Variants in UNC5B observed in about 807,000 individuals in gnomAD.
UNC5B encodes unc-5 netrin receptor B, also known as netrin receptor UNC5B.
In UNC5B, 56 loss-of-function variants were observed where a neutral mutation model predicts 103.7. That is an observed-to-expected ratio of 0.54 (90% CI 0.44 to 0.67). UNC5B has a LOEUF of 0.67. Ranked by LOEUF, UNC5B falls within the 30% of genes least tolerant of loss-of-function variation. UNC5B has a pLI of 0.00. For missense variants in UNC5B, 1,194 were observed against 1,284.5 expected, an observed-to-expected ratio of 0.93 and a Z score of 1.08; for synonymous variants, 577 against 542.0, an observed-to-expected ratio of 1.06 and a Z score of -0.90.
chr10:71,229,067 G>A (rs542720237), intron 1 of UNC5B, among the ~76,000 whole-genome samples: 8 of 152,270 alleles, frequency 5.3e-5, no homozygotes, highest in Non-Finnish European at 8.8e-5. Context: ...GTGACTGGGC[G>A]GTGAGGGAAT....
At chr10:71,255,748 A>G (rs1173903444) in intron 1 of UNC5B, among the ~76,000 whole-genome samples, 1 of 152,226 alleles carries the variant, frequency 6.6e-6, no homozygotes, top group Non-Finnish European at 1.5e-5. Context: ...CCCGGACTGA[A>G]TTCTCACCCT....
At chr10:71,286,123 C>A (rs552500582) in intron 4 of UNC5B, among the ~76,000 whole-genome samples, 1 of 152,242 alleles carries the variant, frequency 6.6e-6, no homozygotes, top group Non-Finnish European at 1.5e-5. Flanking sequence ...TGCAACAACC[C>A]TGCAAAGTGG....
chr10:71,298,991 C>G, intron 16 of UNC5B, 121 bp from the exon 17 acceptor site: 1 of 1,329,114 alleles, frequency 7.5e-7, no homozygotes, highest in Non-Finnish European at 1.1e-6. Flanking sequence ...GCAATTCAGA[C>G]CCAGGACAGT....
intron 1 of UNC5B, among the ~76,000 whole-genome samples, chr10:71,225,292 A>G (rs955720895): frequency 2.6e-5 from 4 of 152,238 alleles, no homozygotes; most frequent in Non-Finnish European, 5.9e-5. Flanking sequence ...CTGAGGCAGC[A>G]GGAGGCCTGC....
rs114648789 is a variant in UNC5B, at chr10:71,226,833, G to T, written c.79+13769G>T. Among the ~76,000 whole-genome samples the T allele has an allele frequency of 4.0e-3, 607 of 152,244 alleles. 3 individuals carry two copies. Among genetic ancestry groups the T allele is most frequent in the African/African-American group, 0.014 (570 of 41,532 alleles). ...CTTCATAGATGCTGAACAAAGCTTG[G>T]ATAAAATACTACACTAAAAGAAATA... On this transcript the variant is annotated intron_variant, in intron 1 of 16. Transcript: ENST00000335350.
intron 1 of UNC5B, among the ~76,000 whole-genome samples, chr10:71,242,871 G>T (rs1589160569): frequency 1.3e-5 from 2 of 152,180 alleles, no homozygotes; most frequent in African/African-American, 4.8e-5. Flanking sequence ...GCAGGGCACT[G>T]GGTGTGTCCC....
chr10:71,240,074 A>AC, intron 1 of UNC5B, among the ~76,000 whole-genome samples: 1 of 148,970 alleles, frequency 6.7e-6, no homozygotes, highest in East Asian at 2.1e-4. Context: ...TTCCCTCCCC[A>AC]CCTACCCCAC....
chr10:71,238,380 A>C (rs1055585072), intron 1 of UNC5B, among the ~76,000 whole-genome samples: 20 of 151,892 alleles, frequency 1.3e-4, no homozygotes, highest in Non-Finnish European at 2.9e-5. Context: ...TGTTGCTCAC[A>C]CTCACTCCTG....
intron 1 of UNC5B, among the ~76,000 whole-genome samples, chr10:71,231,259 G>A (rs1396440170): frequency 6.6e-6 from 1 of 152,190 alleles, no homozygotes; most frequent in African/African-American, 2.4e-5. Context: ...ATACAGTAGG[G>A]GTGAGGTGGG....
intron 1 of UNC5B, 100 bp from the exon 2 acceptor site, chr10:71,279,721 C>A: frequency 7.5e-7 from 1 of 1,329,392 alleles, no homozygotes; most frequent in Non-Finnish European, 1.0e-6. Context: ...CCTCTGCCTC[C>A]CCTGTCCTCT....
chr10:71,291,761 G>T lies in UNC5B; in HGVS notation c.1624G>T (p.Gly542Trp), dbSNP rs557689912. The change falls in exon 10 of 17, where the codon GGG becomes TGG. Residue 542 changes from glycine (G) to tryptophan (W), a missense_variant. Gly to Trp is a radical substitution (Grantham distance 184, BLOSUM62 -2). Coordinates refer to ENST00000335350, the MANE Select transcript of UNC5B (RefSeq NM_170744.5). ...GCTCTTGGGCCTGCCCCGAGACCCA[G>T]GGAGCAGCGTCAGCGGCACCTTTGG... ...QQLLGLPRDP[G>W]SSVSGTFGCL... 3 of 1,609,632 alleles carry T rather than the reference G, an allele frequency of 1.9e-6. No homozygotes were observed. In the African/African-American group the frequency reaches 4.0e-5, roughly 21 times the overall value.
chr10:71,265,254 GA>G (rs1844497951), intron 1 of UNC5B, among the ~76,000 whole-genome samples: 1 of 152,200 alleles, frequency 6.6e-6, no homozygotes, highest in Admixed American at 6.5e-5. Flanking sequence ...GTACTAAAGG[GA>G]AAGGTGGTTC....
At chr10:71,293,658 G>C (rs972695423) in intron 12 of UNC5B, 42 bp from the exon 13 acceptor site, 1 of 1,602,946 alleles carries the variant, frequency 6.2e-7, no homozygotes, top group African/African-American at 1.3e-5. Flanking sequence ...GGCCCAGCCT[G>C]AATAACTGTG....
chr10:71,274,494 G>A (rs1339406364), intron 1 of UNC5B, among the ~76,000 whole-genome samples: 2 of 152,250 alleles, frequency 1.3e-5, no homozygotes, highest in Non-Finnish European at 2.9e-5. Flanking sequence ...GAAAAGCAGT[G>A]ATGAATTCCC....
At position 71,299,160 on chromosome 10, in the gene UNC5B, G is replaced by A. The variant is rs1327813570; in HGVS notation, c.2721G>A (p.Leu907=). 1 of 1,614,250 alleles carries A rather than the reference G, an allele frequency of 6.2e-7. No homozygotes were observed. Among genetic ancestry groups the A allele is most frequent in the Admixed American group, 1.7e-5 (1 of 60,038 alleles). ...ATKASPTGVI[L]DLWEALQQDD... is the part of the protein sequence containing the mutation. ...AAGCGAGCCCCACGGGTGTGATCCT[G>A]GACCTCTGGGAAGCTCTGCAGCAGG... is the stretch of plus-strand genomic sequence containing the variant. The change falls in exon 17 of 17, where the codon CTG becomes CTA. Residue 907 remains leucine, a synonymous_variant. Coordinates refer to ENST00000335350, the MANE Select transcript of UNC5B (RefSeq NM_170744.5).
rs762179296 is a variant in UNC5B at position 71,284,821 on chromosome 10, G to T, written c.406G>T (p.Ala136Ser). 2.5e-6 allele frequency: 4 copies of T among 1,613,310 alleles called. No individual in the cohort carries two copies. Among genetic ancestry groups the T allele is most frequent in the South Asian group, 1.1e-5 (1 of 91,024 alleles). ...GTGCCAGTGCGTGGCCTGGAGCTCCGCGGGCACCACCAAGAGTCGCCGAGC... is the reference window on the plus strand; with the variant it reads ...GTGCCAGTGCGTGGCCTGGAGCTCCTCGGGCACCACCAAGAGTCGCCGAGC... ...YWCQCVAWSSAGTTKSRRAYV... is the reference protein window; with the variant it reads ...YWCQCVAWSSSGTTKSRRAYV... Residue 136 changes from alanine (A) to serine (S), a missense_variant, in exon 3 of 17, where the codon GCG becomes TCG. By Grantham distance (99) the Ala-to-Ser change is moderately conservative (BLOSUM62 1). Transcript: ENST00000335350.
intron 1 of UNC5B, among the ~76,000 whole-genome samples, chr10:71,256,130 C>A (rs1488540006): frequency 6.6e-6 from 1 of 152,190 alleles, no homozygotes; most frequent in Non-Finnish European, 1.5e-5. Context: ...AGGTCCCTAC[C>A]ATAGCCCCTT....
intron 1 of UNC5B, among the ~76,000 whole-genome samples, chr10:71,247,820 C>A (rs1365820052): frequency 1.3e-5 from 2 of 152,004 alleles, no homozygotes; most frequent in Non-Finnish European, 2.9e-5. Flanking sequence ...TTTTGCTTTG[C>A]CCTGGGATGT....
Position 71,296,614 on chromosome 10 carries a change from A to G in UNC5B, c.2362A>G (p.Lys788Glu), listed in dbSNP as rs774674798. Residue 788 changes from lysine to glutamate, a missense_variant, in exon 15 of 17, where the codon AAG becomes GAG. Transcript: ENST00000335350. ...PFYHIWSGSQ[K>E]ALHCTFTLER... ...CTATCACATTTGGAGTGGCAGCCAG[A>G]AGGCCCTCCACTGCACTTTCACCCT... 4 of 1,613,952 alleles carry G rather than the reference A, an allele frequency of 2.5e-6. No homozygotes were observed. Among genetic ancestry groups the G allele is most frequent in the Non-Finnish European group, 3.4e-6 (4 of 1,180,030 alleles).
Sources: gnomAD v4.1 joint callset for allele counts (sites outside exome capture counted in the v4.1 genomes callset) on GRCh38, gnomAD v4.1.1 for gene constraint, MANE v1.5 for transcripts, NCBI Gene and HGNC (gene_info 2026-07-23, HGNC 2026-07-21) for gene names.